The following OXNAD1 variants were observed in gnomAD, a reference collection of about 807,000 sequenced individuals.
OXNAD1 encodes the protein oxidoreductase NAD-binding domain-containing protein 1.
Under a neutral mutation model 32.9 loss-of-function variants are expected in OXNAD1, and 34 were observed. That is an observed-to-expected ratio of 1.03 (90% confidence interval 0.79 to 1.38). The LOEUF (loss-of-function observed/expected upper bound fraction) is 1.38, where lower values mean the gene tolerates loss of function less well. Ranked by LOEUF, OXNAD1 falls within the 40% of genes most tolerant of loss-of-function variation. The pLI is 0.00. For synonymous variants in OXNAD1, 134 were observed against 135.2 expected (o/e 0.99, Z 0.06); for missense variants, 407 against 379.4 (o/e 1.07, Z -0.60).
chr3:16,294,105 T>C (rs950879771), intron 5 of OXNAD1, among the ~76,000 whole-genome samples: 2 of 152,192 alleles, frequency 1.3e-5, no homozygotes, highest in African/African-American at 4.8e-5. Context: ...AGTCGAGAAG[T>C]GTTCTCTTCT....
rs1336899527 is a variant in OXNAD1 at position 16,298,952 on chromosome 3, G to A, written c.433-2674G>A. Among the ~76,000 whole-genome samples, 1 of 152,130 alleles carries A rather than the reference G, an allele frequency of 6.6e-6. No homozygotes were observed. The highest frequency in any genetic ancestry group is 2.4e-5 in the African/African-American group (1 of 41,422). On this transcript the variant is annotated intron_variant, in intron 6 of 8. Coordinates refer to ENST00000285083, the MANE Select transcript of OXNAD1 (RefSeq NM_138381.5). The surrounding 1 kb of genome is among the most constrained non-coding windows in gnomAD (Gnocchi z 5.1). Reference sequence around the variant, plus strand: ...ATTGATCAACAAAAAGACAAAGATGGCTTTTAATTCTTCCCGGATGCTACC... The same window carrying A: ...ATTGATCAACAAAAAGACAAAGATGACTTTTAATTCTTCCCGGATGCTACC...
At position 16,290,735 on chromosome 3, in the gene OXNAD1, T is replaced by C. The variant is rs970569991; in HGVS notation, c.291-4121T>C. On this transcript the variant is annotated intron_variant, in intron 5 of 8. Coordinates refer to ENST00000285083, the MANE Select transcript of OXNAD1 (RefSeq NM_138381.5). This position sits in a 1 kb window ranked among gnomAD's most constrained non-coding sequence, Gnocchi z 4.2. ...AGGTTAAAGTTGGCCAAAGACCTTTTCTGGAGCACTTCCAATCCAGAACTG... is the reference window on the plus strand; with the variant it reads ...AGGTTAAAGTTGGCCAAAGACCTTTCCTGGAGCACTTCCAATCCAGAACTG... 1.3e-5 allele frequency among the ~76,000 whole-genome samples: 2 copies of C among 152,232 alleles called. No homozygotes were observed. Among genetic ancestry groups the C allele is most frequent in the Non-Finnish European group, 2.9e-5 (2 of 68,046 alleles).
In OXNAD1 at chr3:16,303,503, A is replaced by T; in HGVS notation, c.880A>T (p.Lys294Ter). The T allele has an allele frequency of 1.2e-6, 2 of 1,614,066 alleles. No individual in the cohort carries two copies. The highest frequency in any genetic ancestry group is 1.7e-6 in the Non-Finnish European group (2 of 1,179,966). The change falls in exon 9 of 9, where the codon AAG (lysine) becomes TAG (stop). Residue 294 changes from lysine (K) to a stop codon, truncating the protein, a stop_gained. Transcript: ENST00000285083. LOFTEE classifies it high-confidence loss of function. The surrounding 1 kb of genome is among the most constrained non-coding windows in gnomAD (Gnocchi z 4.8). ...ACCTCCAATGACAGACTTTTTCTCCAAGCAACTGGAAAACAACCATGTACC... is the reference window on the plus strand; with the variant it reads ...ACCTCCAATGACAGACTTTTTCTCCTAGCAACTGGAAAACAACCATGTACC... ...GPPPMTDFFS[K>*]QLENNHVPKE...
At chr3:16,286,578 A>G in intron 5 of OXNAD1, 130 bp downstream of exon 5, 2 of 739,182 alleles carry the variant, frequency 2.7e-6, no homozygotes, top group Middle Eastern at 3.9e-4. Context: ...ATATCTGCTC[A>G]GGGTGAGCCT....
intron 9 of OXNAD1, among the ~76,000 whole-genome samples, chr3:16,332,986 A>C (rs2070479530): frequency 6.6e-6 from 1 of 152,212 alleles, no homozygotes; most frequent in Non-Finnish European, 1.5e-5. Flanking sequence ...TGGTCGCAAC[A>C]GTTTTGCAAA....
chr3:16,303,424 G>T lies in OXNAD1; in HGVS notation c.801G>T (p.Glu267Asp). 1 of 1,613,704 alleles carries T rather than the reference G, an allele frequency of 6.2e-7. No individual in the cohort carries two copies. The highest frequency in any genetic ancestry group is 1.1e-5 in the South Asian group (1 of 91,002). Reference sequence around the variant, plus strand: ...TTTTGGTAGAAGGAAGAATAACGGAGAAGGAGATAAGAGATCATATTTCAA... The same window carrying T: ...TTTTGGTAGAAGGAAGAATAACGGATAAGGAGATAAGAGATCATATTTCAA... Reference protein sequence around the residue: ...KPYITEGRITEKEIRDHISKE... With the variant: ...KPYITEGRITDKEIRDHISKE... The change falls in exon 9 of 9, where the codon GAG becomes GAT. Residue 267 changes from glutamate to aspartate, a missense_variant. Transcript: ENST00000285083. This position sits in a 1 kb window ranked among gnomAD's most constrained non-coding sequence, Gnocchi z 4.8.
rs149682544 is a variant in OXNAD1 at position 16,269,533 on chromosome 3, A to G, written c.-9+258A>G. The stretch of plus-strand genomic sequence containing the variant: ...TTTTTAATATGATTTGGGTATAACC[A>G]AATAAACTGCATATGACTTATATCA... On this transcript the variant is annotated intron_variant, in intron 2 of 8. Coordinates refer to ENST00000285083, the MANE Select transcript of OXNAD1 (RefSeq NM_138381.5). Among the ~76,000 whole-genome samples, 140 of 152,386 alleles carry G rather than the reference A, an allele frequency of 9.2e-4. 1 individual carries two copies. In the East Asian group the frequency reaches 0.011, roughly 12 times the overall value.
rs1258497876 is a variant in OXNAD1, at chr3:16,284,710, A to G, written c.184-1632A>G. On this transcript the variant is annotated intron_variant, in intron 4 of 8. Transcript: ENST00000285083. The surrounding 1 kb of genome is among the most constrained non-coding windows in gnomAD (Gnocchi z 4.1). ...ATTATCTCATTTAATCCTCCCAGCA[A>G]CCCTATGAGGTATAGGTGGTATTAT... Among the ~76,000 whole-genome samples, 11 of 152,124 alleles carry G rather than the reference A, an allele frequency of 7.2e-5. No individual in the cohort carries two copies. The highest frequency in any genetic ancestry group is 7.2e-4 in the Admixed American group (11 of 15,254).
At chr3:16,285,039 T>A (rs948334917) in intron 4 of OXNAD1, among the ~76,000 whole-genome samples, 3 of 152,084 alleles carry the variant, frequency 2.0e-5, no homozygotes, top group African/African-American at 4.8e-5. Context: ...AGAGTGCAGG[T>A]AGAGGGTCAG....
At chr3:16,331,630 C>G (rs1224532159) in intron 9 of OXNAD1, among the ~76,000 whole-genome samples, 3 of 152,212 alleles carry the variant, frequency 2.0e-5, no homozygotes, top group Non-Finnish European at 2.9e-5. Context: ...ATAAATATTC[C>G]AAGATCCTAA....
chr3:16,295,404 T>G (rs1162596381), intron 6 of OXNAD1, among the ~76,000 whole-genome samples: 3 of 152,222 alleles, frequency 2.0e-5, no homozygotes, highest in African/African-American at 7.2e-5. Context: ...ATAGTACTGC[T>G]TCTTCCCAGA....
At position 16,303,679 on chromosome 3, in the gene OXNAD1, A is replaced by G. The variant is rs1476524962; in HGVS notation, c.*117A>G. 8.6e-7 allele frequency: 1 copy of G among 1,165,920 alleles called. No homozygotes were observed. The highest frequency in any genetic ancestry group is 1.2e-6 in the Non-Finnish European group (1 of 869,164). The allele number at this position is 1,165,920 out of a possible 1,614,324, so 72.2% of individuals were successfully genotyped here. A position where few individuals can be genotyped will look rare whatever the true frequency, so the allele number is the denominator to read the frequency against. On this transcript the variant is annotated 3_prime_UTR_variant, in exon 9 of 9. Coordinates refer to ENST00000285083, the MANE Select transcript of OXNAD1 (RefSeq NM_138381.5). This position sits in a 1 kb window ranked among gnomAD's most constrained non-coding sequence, Gnocchi z 4.8. ...TTGAGTTGTCTTATTTTTTAAGGCT[A>G]TAAACTTAGTGACCAGCTGGATAAT... is the stretch of plus-strand genomic sequence containing the variant.
At chr3:16,351,064 C>A (rs1041114982), downstream of OXNAD1, among the ~76,000 whole-genome samples, 4 of 152,170 alleles carry the variant, frequency 2.6e-5, no homozygotes, top group African/African-American at 9.7e-5. The surrounding 1 kb of genome is among the most constrained non-coding windows in gnomAD (Gnocchi z 5.4). Context: ...TGTGTTATTA[C>A]ACAGGATTCA....
rs145215854 is a variant in OXNAD1, at chr3:16,335,245, G to C, written c.*31-1867G>C. Reference sequence around the variant, plus strand: ...TGGAGGTGCTGACAGATGCAGGGTAGGTGAAAACTCCTGGAGGGATGAGGC... The same window carrying C: ...TGGAGGTGCTGACAGATGCAGGGTACGTGAAAACTCCTGGAGGGATGAGGC... On this transcript the variant is annotated intron_variant, in intron 9 of 9. Coordinates refer to the OXNAD1 transcript ENST00000435829. This position sits in a 1 kb window ranked among gnomAD's most constrained non-coding sequence, Gnocchi z 4.7. Among the ~76,000 whole-genome samples the C allele has an allele frequency of 0.01, 1,562 of 152,302 alleles. 13 individuals are homozygous for C. Among genetic ancestry groups the C allele is most frequent in the Middle Eastern group, 0.034 (10 of 294 alleles).
chr3:16,310,715 C>T (rs1016151470), downstream of OXNAD1, among the ~76,000 whole-genome samples: 10 of 152,004 alleles, frequency 6.6e-5, no homozygotes, highest in East Asian at 3.9e-4. Flanking sequence ...TGGGGCTGGG[C>T]GCGGTGACTC....
chr3:16,320,436 C>T lies in OXNAD1; in HGVS notation c.*31-16676C>T, dbSNP rs928292164. Reference sequence around the variant, plus strand: ...TGTGTCCTCGCTAAGAAGCTGATTACTCATTCATTGATTCGACAAGTATCT... The same window carrying T: ...TGTGTCCTCGCTAAGAAGCTGATTATTCATTCATTGATTCGACAAGTATCT... On this transcript the variant is annotated intron_variant, in intron 9 of 9. Transcript: ENST00000435829. The surrounding 1 kb of genome is among the most constrained non-coding windows in gnomAD (Gnocchi z 4.5). Among the ~76,000 whole-genome samples the T allele has an allele frequency of 2.0e-5, 3 of 152,230 alleles. No homozygotes were observed. The highest frequency in any genetic ancestry group is 4.4e-5 in the Non-Finnish European group (3 of 68,044).
At chr3:16,337,754 A>AG (rs2071001918), downstream of OXNAD1, among the ~76,000 whole-genome samples, 1 of 151,828 alleles carries the variant, frequency 6.6e-6, no homozygotes, top group Admixed American at 6.6e-5. The surrounding 1 kb of genome is among the most constrained non-coding windows in gnomAD (Gnocchi z 5.0). Context: ...AAAAAAAAAA[A>AG]AAAGAAAAGA....
intron 1 of OXNAD1, among the ~76,000 whole-genome samples, chr3:16,268,655 T>C (rs2064723696): frequency 6.6e-6 from 1 of 152,124 alleles, no homozygotes; most frequent in African/African-American, 2.4e-5. Flanking sequence ...AATTAACATT[T>C]GTTTTCCAGT....
chr3:16,272,065 C>T (rs2064977774), intron 4 of OXNAD1: 1 of 459,202 alleles, frequency 2.2e-6, no homozygotes, highest in Non-Finnish European at 4.1e-6. Context: ...AATAGCTTAC[C>T]TTTCTCTGTT....
Sources: allele counts gnomAD v4.1 joint callset (sites outside exome capture counted in the v4.1 genomes callset), GRCh38; gene constraint gnomAD v4.1.1; non-coding constraint Gnocchi (gnomAD v3.1); transcripts MANE v1.5; gene names NCBI Gene and HGNC (gene_info 2026-07-23, HGNC 2026-07-21).